Variants in EPHA6 observed in about 807,000 individuals in gnomAD.
EPHA6 encodes ephrin type-A receptor 6.
A neutral mutation model predicts 112.0 loss-of-function variants in EPHA6; 50 were observed. That is an observed-to-expected ratio of 0.45 (90% confidence interval 0.36 to 0.56). The LOEUF (loss-of-function observed/expected upper bound fraction) is 0.56. Ranked by LOEUF, EPHA6 falls within the 20% of genes least tolerant of loss-of-function variation. The pLI is 0.00. For missense variants in EPHA6, 1,280 were observed against 1,417.4 expected (o/e 0.90, Z 1.56); for synonymous variants, 529 against 490.7 (o/e 1.08, Z -1.03).
intron 2 of EPHA6, among the ~76,000 whole-genome samples, chr3:96,970,524 T>C (rs987707242): frequency 6.6e-6 from 1 of 152,086 alleles, no homozygotes; most frequent in Admixed American, 6.6e-5. Context: ...ATAGAATCAT[T>C]ACTTGAGCAG....
At chr3:97,362,986 T>C (rs528782179) in intron 5 of EPHA6, among the ~76,000 whole-genome samples, 9 of 150,768 alleles carry the variant, frequency 6.0e-5, no homozygotes, top group South Asian at 4.2e-4. Flanking sequence ...TAAGAGTAAT[T>C]TATTATTGTT....
At chr3:97,246,594 TAAG>T (rs1353027563) in intron 5 of EPHA6, among the ~76,000 whole-genome samples, 1 of 151,706 alleles carries the variant, frequency 6.6e-6, no homozygotes, top group East Asian at 1.9e-4. Flanking sequence ...TTTTGAATAT[TAAG>T]AAATGATTAT....
At chr3:97,265,300 G>A (rs2079638436) in intron 5 of EPHA6, among the ~76,000 whole-genome samples, 1 of 152,266 alleles carries the variant, frequency 6.6e-6, no homozygotes, top group Non-Finnish European at 1.5e-5. Context: ...GCCTCCTGCC[G>A]TCCTCCATGG....
intron 10 of EPHA6, among the ~76,000 whole-genome samples, chr3:97,518,066 T>C (rs2092475182): frequency 6.6e-6 from 1 of 152,156 alleles, no homozygotes; most frequent in Non-Finnish European, 1.5e-5. Flanking sequence ...GGAGTGCAGA[T>C]AGCTCATCAG....
intron 3 of EPHA6, among the ~76,000 whole-genome samples, chr3:97,218,662 G>T (rs2078103602): frequency 6.6e-6 from 1 of 152,116 alleles, no homozygotes; most frequent in African/African-American, 2.4e-5. Flanking sequence ...ATGAGACTTG[G>T]TTGGGGATAA....
At chr3:96,829,949 GCACA>G (rs67227502) in intron 1 of EPHA6, among the ~76,000 whole-genome samples, 3,991 of 135,984 alleles carry the variant, frequency 0.029, 63 homozygotes, top group Non-Finnish European at 0.034. Flanking sequence ...GCGCGCGCGC[GCACA>G]CACACACACA....
chr3:97,652,011 C>T (rs1450299137), intron 14 of EPHA6, among the ~76,000 whole-genome samples: 1 of 151,986 alleles, frequency 6.6e-6, no homozygotes, highest in African/African-American at 2.4e-5. Flanking sequence ...CCACCTCTGT[C>T]TAGTAGTCCC....
At chr3:96,985,476 C>T (rs1207139588) in intron 2 of EPHA6, among the ~76,000 whole-genome samples, 1 of 151,968 alleles carries the variant, frequency 6.6e-6, no homozygotes, top group Non-Finnish European at 1.5e-5. Context: ...TTCCAATGAG[C>T]TGTGATAGTG....
At chr3:97,233,875 A>G (rs2078605415) in intron 4 of EPHA6, among the ~76,000 whole-genome samples, 1 of 152,190 alleles carries the variant, frequency 6.6e-6, no homozygotes, top group South Asian at 2.1e-4. Context: ...TTTGGCCAGT[A>G]AATGGCCTAG....
intron 2 of EPHA6, among the ~76,000 whole-genome samples, chr3:96,890,054 A>G (rs1450606005): frequency 6.6e-6 from 1 of 152,088 alleles, no homozygotes; most frequent in East Asian, 1.9e-4. Context: ...TGAAAGATGC[A>G]ATTATAAAGC....
At chr3:96,866,639 T>TTACTTAATA in intron 1 of EPHA6, among the ~76,000 whole-genome samples, 186 bp from the exon 2 acceptor site, 1 of 151,754 alleles carries the variant, frequency 6.6e-6, no homozygotes, top group Middle Eastern at 3.2e-3. Context: ...CATTTTATCA[T>TTACTTAATA]TACTTAATAC....
chr3:97,668,438 G>T (rs931157391), intron 14 of EPHA6, among the ~76,000 whole-genome samples: 1 of 152,070 alleles, frequency 6.6e-6, no homozygotes, highest in African/African-American at 2.4e-5. Flanking sequence ...TGAACCGTTG[G>T]TTATTATTTG....
chr3:97,694,525 C>T (rs911523202), intron 14 of EPHA6, among the ~76,000 whole-genome samples: 2 of 152,206 alleles, frequency 1.3e-5, no homozygotes, highest in Admixed American at 6.5e-5. Context: ...GCGTGAGGCA[C>T]TGCGCCCAGC....
At chr3:97,448,118 C>G (rs2090411015) in intron 6 of EPHA6, among the ~76,000 whole-genome samples, 1 of 152,136 alleles carries the variant, frequency 6.6e-6, no homozygotes, top group Non-Finnish European at 1.5e-5. Context: ...TCTCCTTTCA[C>G]CCACAGGTCT....
At chr3:96,882,920 T>G (rs2037410699) in intron 2 of EPHA6, among the ~76,000 whole-genome samples, 1 of 152,148 alleles carries the variant, frequency 6.6e-6, no homozygotes, top group South Asian at 2.1e-4. Context: ...GAATAATGAC[T>G]TATTTTCCTC....
At chr3:97,345,358 G>A (rs1483351068) in intron 5 of EPHA6, among the ~76,000 whole-genome samples, 2 of 152,162 alleles carry the variant, frequency 1.3e-5, no homozygotes, top group African/African-American at 4.8e-5. Flanking sequence ...AAAGCAGCAA[G>A]AGGAACTCCA....
At chr3:97,696,943 A>G (rs1445248514) in intron 14 of EPHA6, among the ~76,000 whole-genome samples, 1 of 152,156 alleles carries the variant, frequency 6.6e-6, no homozygotes, top group African/African-American at 2.4e-5. Flanking sequence ...TAGTATTAGC[A>G]CTCAATACTA....
intron 5 of EPHA6, among the ~76,000 whole-genome samples, chr3:97,367,997 A>G (rs2084835130): frequency 6.6e-6 from 1 of 152,162 alleles, no homozygotes; most frequent in African/African-American, 2.4e-5. Flanking sequence ...ATGCTTCTTA[A>G]ATAATTCATT....
chr3:97,255,306 A>G, intron 5 of EPHA6, among the ~76,000 whole-genome samples: 1 of 152,154 alleles, frequency 6.6e-6, no homozygotes, highest in East Asian at 1.9e-4. Context: ...AGACTTCTTC[A>G]AAATCGTAGT....
Sources: gnomAD v4.1 joint callset for allele counts (sites outside exome capture counted in the v4.1 genomes callset) on GRCh38, gnomAD v4.1.1 for gene constraint, MANE v1.5 for transcripts, NCBI Gene and HGNC (gene_info 2026-07-23, HGNC 2026-07-21) for gene names.